The following DCT variants were observed in gnomAD, a reference collection of about 807,000 sequenced individuals.
DCT encodes the protein L-dopachrome tautomerase.
Under a neutral mutation model 53.0 loss-of-function variants are expected in DCT, and 47 were observed. The ratio of observed to expected loss-of-function variants is 0.89; its 90% confidence interval spans 0.70 to 1.13. The LOEUF (loss-of-function observed/expected upper bound fraction) is 1.13, where lower values mean the gene tolerates loss of function less well. DCT is among the 50% of genes most tolerant of loss of function. The pLI is 0.00. For synonymous variants in DCT, 244 were observed against 237.0 expected, an observed-to-expected ratio of 1.03 and a Z score of -0.27; for missense variants, 669 against 637.4, an observed-to-expected ratio of 1.05 and a Z score of -0.53.
At chr13:94,445,343 C>G (rs144015342) in intron 6 of DCT, among the ~76,000 whole-genome samples, 13 of 152,314 alleles carry the variant, frequency 8.5e-5, no homozygotes, top group Non-Finnish European at 1.9e-4. Context: ...CAGTTCCTAT[C>G]TTGTGCCTGA....
the DCT span, among the ~76,000 whole-genome samples, chr13:94,495,998 G>A: frequency 9.2e-3 from 1,400 of 152,210 alleles, 24 homozygotes; most frequent in African/African-American, 0.031. Flanking sequence ...TCTGATCGTT[G>A]CCAATTGACT....
chr13:94,486,014 G>A, the DCT span, among the ~76,000 whole-genome samples: 3 of 152,156 alleles, frequency 2.0e-5, no homozygotes, highest in Non-Finnish European at 4.4e-5. Context: ...GGGTGAGTAT[G>A]TAATGTTTCT....
At chr13:94,524,508 G>T in the DCT span, among the ~76,000 whole-genome samples, 2 of 152,218 alleles carry the variant, frequency 1.3e-5, no homozygotes, top group South Asian at 4.1e-4. Flanking sequence ...AGATAGGCAG[G>T]CTCAGAGTCC....
chr13:94,500,483 T>C, the DCT span, among the ~76,000 whole-genome samples: 1 of 152,208 alleles, frequency 6.6e-6, no homozygotes, highest in South Asian at 2.1e-4. Context: ...ATGGGAGCTA[T>C]AATTCAAAAT....
the DCT span, among the ~76,000 whole-genome samples, chr13:94,498,144 T>G: frequency 2.6e-5 from 4 of 152,178 alleles, no homozygotes; most frequent in Admixed American, 6.5e-5. Flanking sequence ...AAAGTTGGTG[T>G]GTCAAGAATT....
intron 6 of DCT, among the ~76,000 whole-genome samples, chr13:94,448,121 C>T (rs961690351): frequency 2.6e-5 from 4 of 151,974 alleles, no homozygotes; most frequent in Non-Finnish European, 5.9e-5. Flanking sequence ...ATAGTGTGTG[C>T]CTGTGGTCCC....
At chr13:94,480,293 T>A (rs1240302166), upstream of DCT, among the ~76,000 whole-genome samples, 1 of 152,178 alleles carries the variant, frequency 6.6e-6, no homozygotes, top group African/African-American at 2.4e-5. Context: ...TGCAAGCAAA[T>A]CTTTTTGATT....
the DCT span, among the ~76,000 whole-genome samples, chr13:94,523,695 A>G: frequency 6.6e-6 from 1 of 152,168 alleles, no homozygotes; most frequent in African/African-American, 2.4e-5. Flanking sequence ...CCTAAGCAGC[A>G]CCATTCTGAT....
At chr13:94,536,691 C>T in the DCT span, among the ~76,000 whole-genome samples, 1 of 152,106 alleles carries the variant, frequency 6.6e-6, no homozygotes, top group Admixed American at 6.6e-5. Flanking sequence ...GCTTGTAATC[C>T]CAGCACTTTG....
At position 94,439,788 on chromosome 13, in the gene DCT, T is replaced by G. The variant is rs1882146241; in HGVS notation, c.*110A>C. ...AGATCATCATCACTATAGAAGAACCTATGTCAAAGATCTTCAACTCAAGAA... is the reference window on the plus strand; with the variant it reads ...AGATCATCATCACTATAGAAGAACCGATGTCAAAGATCTTCAACTCAAGAA... On this transcript the variant is annotated 3_prime_UTR_variant, in exon 8 of 8. Coordinates refer to ENST00000377028, the MANE Select transcript of DCT (RefSeq NM_001922.5). The G allele has an allele frequency of 1.3e-6, 1 of 799,760 alleles. No individual in the cohort carries two copies. The highest frequency in any genetic ancestry group is 2.5e-5 in the Admixed American group (1 of 39,952). 49.5% of individuals were successfully genotyped at this position (799,760 alleles called of 1,614,324 possible).
rs749724235 is a variant in DCT at position 94,462,018 on chromosome 13, GA to G, written c.1034del (p.Phe345SerfsTer21). The G allele has an allele frequency of 6.2e-7, 1 of 1,613,146 alleles. No individual in the cohort carries two copies. The highest frequency in any genetic ancestry group is 1.3e-5 in the African/African-American group (1 of 74,700). Reference protein sequence around the residue: ...DNPPFFQNSTFSFRNALEGFD... With the variant: ...DNPPFFQNSTXSFRNALEGFD... Reference sequence around the variant, plus strand: ...GAGCTCAGAGCACCCACCTGAAACTGAAGGTAGAGTTCTGGAAGAAGGGAGG... The same window carrying G: ...GAGCTCAGAGCACCCACCTGAAACTGAGGTAGAGTTCTGGAAGAAGGGAGG... On this transcript the variant is annotated frameshift_variant, in exon 5 of 8. Coordinates refer to ENST00000377028, the MANE Select transcript of DCT (RefSeq NM_001922.5). LOFTEE classifies it high-confidence loss of function.
At chr13:94,528,418 C>T in the DCT span, among the ~76,000 whole-genome samples, 34 of 152,300 alleles carry the variant, frequency 2.2e-4, no homozygotes, top group African/African-American at 8.2e-4. Flanking sequence ...CAAAGGGAAG[C>T]CCATCAGACT....
chr13:94,468,548 G>A (rs1884380477), intron 2 of DCT, 198 bp downstream of exon 2: 1 of 586,772 alleles, frequency 1.7e-6, no homozygotes, highest in Non-Finnish European at 3.0e-6. Flanking sequence ...CATTTAAAGT[G>A]TCTGCATCCA....
At chr13:94,477,982 T>C (rs977767346) in intron 1 of DCT, among the ~76,000 whole-genome samples, 7 of 151,944 alleles carry the variant, frequency 4.6e-5, no homozygotes, top group Admixed American at 4.6e-4. Flanking sequence ...TGAAGAGGAT[T>C]TGAAAAAGCC....
At chr13:94,448,326 G>T (rs749683255) in intron 6 of DCT, among the ~76,000 whole-genome samples, 23 of 152,088 alleles carry the variant, frequency 1.5e-4, no homozygotes, top group Non-Finnish European at 2.8e-4. Flanking sequence ...AAGTTTTTTT[G>T]AAAAGACTGG....
chr13:94,501,349 G>A, the DCT span, among the ~76,000 whole-genome samples: 2 of 152,138 alleles, frequency 1.3e-5, no homozygotes, highest in Admixed American at 1.3e-4. Flanking sequence ...TATTTTCATT[G>A]TTTATAAAAA....
the DCT span, among the ~76,000 whole-genome samples, chr13:94,538,969 A>T: frequency 6.6e-6 from 1 of 152,106 alleles, no homozygotes; most frequent in Non-Finnish European, 1.5e-5. Context: ...TTATCAGCCC[A>T]CACCCCTCCA....
At chr13:94,527,678 G>A in the DCT span, among the ~76,000 whole-genome samples, 2 of 152,208 alleles carry the variant, frequency 1.3e-5, no homozygotes, top group African/African-American at 2.4e-5. Flanking sequence ...CAAAGATGGG[G>A]AGAAACCAGA....
At chr13:94,540,830 C>T in the DCT span, among the ~76,000 whole-genome samples, 6 of 152,130 alleles carry the variant, frequency 3.9e-5, no homozygotes, top group African/African-American at 1.4e-4. Flanking sequence ...TCAGTATATC[C>T]AATAAATGTC....
Sources: allele counts gnomAD v4.1 joint callset (sites outside exome capture counted in the v4.1 genomes callset), GRCh38; gene constraint gnomAD v4.1.1; transcripts MANE v1.5; gene names NCBI Gene and HGNC (gene_info 2026-07-23, HGNC 2026-07-21).